The following UBN1 variants were observed in gnomAD, a reference collection of about 807,000 sequenced individuals.
The protein encoded by UBN1 is ubinuclein-1.
Under a neutral mutation model 108.5 loss-of-function variants are expected in UBN1, and 17 were observed. The observed-to-expected ratio is 0.16, with a 90% confidence interval of 0.11 to 0.24. The LOEUF is 0.24. Ranked by LOEUF, UBN1 falls within the 10% of genes least tolerant of loss-of-function variation. UBN1 has a pLI of 1.00. For missense variants in UBN1, 1,595 were observed against 1,394.4 expected (o/e 1.14, Z -2.29); for synonymous variants, 726 against 564.2 (o/e 1.29, Z -4.07).
chr16:4,871,748 G>A (rs928481236), intron 12 of UBN1, among the ~76,000 whole-genome samples: 9 of 151,764 alleles, frequency 5.9e-5, no homozygotes, highest in East Asian at 1.9e-4. Context: ...CACCATGCCC[G>A]GCTAATTTTT....
chr16:4,877,031 C>A lies in UBN1; in HGVS notation c.3185C>A (p.Ser1062Tyr), dbSNP rs542957531. Reference sequence around the variant, plus strand: ...CATGTGCTCTCCTTCAGCGCTGACTCCTCTGCCAAAGCAGGGGTCTCCAAG... The same window carrying A: ...CATGTGCTCTCCTTCAGCGCTGACTACTCTGCCAAAGCAGGGGTCTCCAAG... ...PVHVLSFSAD[S>Y]SAKAGVSKDA... Residue 1062 changes from serine (S) to tyrosine (Y), a missense_variant, in exon 16 of 18, where the codon TCC becomes TAC. By Grantham distance (144) the Ser-to-Tyr change is moderately radical. This residue lies in a region of UBN1 where 1,398 missense variants were observed against 1,194.7 expected (regional missense o/e 1.17). Coordinates refer to ENST00000262376, the MANE Select transcript of UBN1 (RefSeq NM_001079514.3). This position sits in a 1 kb window ranked among gnomAD's most constrained non-coding sequence, Gnocchi z 4.3. 6.2e-7 allele frequency: 1 copy of A among 1,614,210 alleles called. No homozygotes were observed. Among genetic ancestry groups the A allele is most frequent in the East Asian group, 2.2e-5 (1 of 44,886 alleles).
At position 4,875,421 on chromosome 16, in the gene UBN1, C is replaced by T; in HGVS notation, c.3011C>T (p.Ser1004Phe). 1 of 1,610,334 alleles carries T rather than the reference C, an allele frequency of 6.2e-7. No homozygotes were observed. Among genetic ancestry groups the T allele is most frequent in the Non-Finnish European group, 8.5e-7 (1 of 1,177,332 alleles). The stretch of plus-strand genomic sequence containing the variant: ...TCTGCAGTTAGTAGTGTGACATCGT[C>T]TACCTCCTTGTCAGTGAGTATCTGT... ...KPSAVSSVTS[S>F]TSLSKGASGT... Residue 1004 changes from serine (S) to phenylalanine (F), a missense_variant, in exon 15 of 18, where the codon TCT becomes TTT. Physicochemically the swap from Ser to Phe is radical, Grantham distance 155. Transcript: ENST00000262376.
intron 5 of UBN1, among the ~76,000 whole-genome samples, chr16:4,859,517 C>T (rs964302464): frequency 6.6e-6 from 1 of 152,218 alleles, no homozygotes; most frequent in African/African-American, 2.4e-5. Context: ...TTCAGGGCTG[C>T]CATCCCACTG....
Position 4,877,401 on chromosome 16 carries a change from G to C in UBN1, c.3282G>C (p.Leu1094Phe). 1 of 1,611,524 alleles carries C rather than the reference G, an allele frequency of 6.2e-7. No individual in the cohort carries two copies. The highest frequency in any genetic ancestry group is 8.5e-7 in the Non-Finnish European group (1 of 1,178,774). ...HGLGHSLLAG[L>F]HSSPPHAAPL... is the part of the protein sequence containing the mutation. ...TTCTCTCAGGTCTTCTGGCTGGCTTGCACTCCAGCCCGCCCCATGCAGCGC... is the reference window on the plus strand; with the variant it reads ...TTCTCTCAGGTCTTCTGGCTGGCTTCCACTCCAGCCCGCCCCATGCAGCGC... Residue 1094 changes from leucine to phenylalanine, a missense_variant, in exon 17 of 18, where the codon TTG (leucine) becomes TTC (phenylalanine). Physicochemically the swap from Leu to Phe is conservative, Grantham distance 22. Around this residue, in one of 3 missense-constraint regions of UBN1, gnomAD observed 1,398 missense variants for 1,194.7 expected, o/e 1.17. Transcript: ENST00000262376. This position sits in a 1 kb window ranked among gnomAD's most constrained non-coding sequence, Gnocchi z 4.3.
intron 15 of UBN1, 143 bp from the exon 16 acceptor site, chr16:4,876,728 G>A (rs2142289833): frequency 1.5e-6 from 2 of 1,291,850 alleles, no homozygotes; most frequent in Non-Finnish European, 2.1e-6. Context: ...AGGGTCGGAG[G>A]GTGCCTCCCA....
In UBN1 at chr16:4,874,678, G is replaced by A; in HGVS notation, c.2268G>A (p.Glu756=). Reference sequence around the variant, plus strand: ...AGTCCTCTCAGGAGAAAAAACCAGAGAGTTCTGGCTACAAAGAGCTGTCCT... The same window carrying A: ...AGTCCTCTCAGGAGAAAAAACCAGAAAGTTCTGGCTACAAAGAGCTGTCCT... ...LGQSSQEKKP[E]SSGYKELSCQ... The change falls in exon 15 of 18, where the codon GAG becomes GAA. Residue 756 remains glutamate (E), a synonymous_variant. Transcript: ENST00000262376. 1.2e-6 allele frequency: 2 copies of A among 1,614,178 alleles called. No homozygotes were observed. Among genetic ancestry groups the A allele is most frequent in the Non-Finnish European group, 1.7e-6 (2 of 1,180,038 alleles).
In UBN1 at chr16:4,876,962, G is replaced by C. The variant is rs753692479; in HGVS notation, c.3116G>C (p.Ser1039Thr). The change falls in exon 16 of 18, where the codon AGC (serine) becomes ACC (threonine). Residue 1039 changes from serine to threonine, a missense_variant. Physicochemically the swap from Ser to Thr is moderately conservative, Grantham distance 58. Around this residue, in one of 3 missense-constraint regions of UBN1, gnomAD observed 1,398 missense variants for 1,194.7 expected, o/e 1.17. Transcript: ENST00000262376. ...AGCCCAAAGCTGTCTGGGGCCATGA[G>C]CTCGAACTCCTTGGGAATTATAACC... ...SSSPKLSGAMSSNSLGIITPV... is the reference protein window; with the variant it reads ...SSSPKLSGAMTSNSLGIITPV... The C allele has an allele frequency of 1.8e-4, 298 of 1,614,102 alleles. No homozygotes were observed. The highest frequency in any genetic ancestry group is 2.3e-4 in the Non-Finnish European group (276 of 1,180,054).
intron 7 of UBN1, among the ~76,000 whole-genome samples, chr16:4,861,553 C>T (rs753872809): frequency 1.3e-5 from 2 of 152,218 alleles, no homozygotes; most frequent in African/African-American, 4.8e-5. Flanking sequence ...CGCTCCCTTG[C>T]GTTGTGTATC....
At chr16:4,867,703 C>T (rs781223766) in intron 7 of UBN1, among the ~76,000 whole-genome samples, 23 of 151,844 alleles carry the variant, frequency 1.5e-4, no homozygotes, top group Non-Finnish European at 3.2e-4. Flanking sequence ...GTGGAGGAGG[C>T]AGATGGAGCA....
At chr16:4,866,977 A>T (rs1007624923) in intron 7 of UBN1, among the ~76,000 whole-genome samples, 6 of 152,178 alleles carry the variant, frequency 3.9e-5, no homozygotes, top group Admixed American at 3.9e-4. Flanking sequence ...GGCATATAGG[A>T]AGCAGACTGG....
At chr16:4,876,788 G>C in intron 15 of UBN1, 83 bp from the exon 16 acceptor site, 1 of 1,517,254 alleles carries the variant, frequency 6.6e-7, no homozygotes, top group Non-Finnish European at 8.8e-7. Context: ...CACACAAGGA[G>C]GATCCTTTGT....
rs538183715 is a variant in UBN1, at chr16:4,858,438, GTGTA to G, written c.337-126_337-123del. 4.2e-5 allele frequency: 32 copies of G among 762,448 alleles called. No homozygotes were observed. In the African/African-American group the frequency reaches 4.7e-4, roughly 11 times the overall value. 47.2% of individuals were successfully genotyped at this position (762,448 alleles called of 1,614,324 possible). On this transcript the variant is annotated intron_variant, in intron 3 of 17. Coordinates refer to ENST00000262376, the MANE Select transcript of UBN1 (RefSeq NM_001079514.3). ...CAGGAAAGGAGGTTTTGGGGTTTGT[GTGTA>G]TGTGAGAGAGTGACTGTTTTAGTTA... is the stretch of plus-strand genomic sequence containing the variant.
chr16:4,849,967 C>CAAACAAA (rs1427006025), intron 1 of UBN1, among the ~76,000 whole-genome samples: 2 of 117,712 alleles, frequency 1.7e-5, no homozygotes, highest in East Asian at 2.3e-4. Flanking sequence ...AAAAAAAAAA[C>CAAACAAA]CACAAAAAAA....
At chr16:4,850,808 C>T (rs971328929) in intron 1 of UBN1, among the ~76,000 whole-genome samples, 5 of 152,110 alleles carry the variant, frequency 3.3e-5, no homozygotes, top group Admixed American at 1.3e-4. Flanking sequence ...GCTAATTTTC[C>T]TGAATTAACT....
intron 7 of UBN1, 62 bp downstream of exon 7, chr16:4,861,164 C>T: frequency 6.6e-7 from 1 of 1,517,652 alleles, no homozygotes; most frequent in Non-Finnish European, 8.8e-7. Flanking sequence ...GCTGTTGGTT[C>T]TGCACTGCGT....
chr16:4,870,991 T>C lies in UBN1; in HGVS notation c.1559+19T>C. 5.0e-6 allele frequency: 8 copies of C among 1,613,642 alleles called. No individual in the cohort carries two copies. The highest frequency in any genetic ancestry group is 6.8e-6 in the Non-Finnish European group (8 of 1,179,698). On this transcript the variant is annotated intron_variant, in intron 11 of 17. Transcript: ENST00000262376. ...AGATCAGGTGTGCCCACACTGGGAC[T>C]TGGCCTCTTTGGAGGGTTGGTGGGG...
Position 4,847,489 on chromosome 16 carries a change from C to G in UBN1, c.-761C>G, listed in dbSNP as rs972880486. ...GGAGCGCAGAGACTCCCGGCTCCTTCCCCCTCCCTTCGGCTCGTGACAACG... is the reference window on the plus strand; with the variant it reads ...GGAGCGCAGAGACTCCCGGCTCCTTGCCCCTCCCTTCGGCTCGTGACAACG... On this transcript the variant is annotated 5_prime_UTR_variant, in exon 1 of 18. Coordinates refer to ENST00000262376, the MANE Select transcript of UBN1 (RefSeq NM_001079514.3). 5.2e-6 allele frequency: 3 copies of G among 578,926 alleles called. No homozygotes were observed. The highest frequency in any genetic ancestry group is 3.5e-5 in the East Asian group (1 of 28,532). 35.9% of individuals were successfully genotyped at this position (578,926 alleles called of 1,614,324 possible). A position where few individuals can be genotyped will look rare whatever the true frequency, so the allele number is the denominator to read the frequency against.
At position 4,848,086 on chromosome 16, in the gene UBN1, CGG is replaced by C. The variant is rs2086290548; in HGVS notation, c.-162_-161del. On this transcript the variant is annotated 5_prime_UTR_variant, in exon 1 of 18. It removes the in-frame stop codon of an upstream open reading frame in the 5' UTR. Coordinates refer to ENST00000262376, the MANE Select transcript of UBN1 (RefSeq NM_001079514.3). The stretch of plus-strand genomic sequence containing the variant: ...GGGGACCCGGCCATGGGCCGAGGCG[CGG>C]GCCGCCCGCCCGCTGGGAGCCACGG... The C allele has an allele frequency of 6.6e-6, 1 of 152,016 alleles. No individual in the cohort carries two copies. Among genetic ancestry groups the C allele is most frequent in the Non-Finnish European group, 1.5e-5 (1 of 67,994 alleles). The allele number at this position is 152,016 out of a possible 1,614,324, so 9.4% of individuals were successfully genotyped here.
intron 17 of UBN1, among the ~76,000 whole-genome samples, chr16:4,879,261 C>T (rs1160716297): frequency 6.6e-6 from 1 of 152,076 alleles, no homozygotes; most frequent in African/African-American, 2.4e-5. Flanking sequence ...ACTATGTACC[C>T]CATAAAATAT....
Sources: allele counts gnomAD v4.1 joint callset (sites outside exome capture counted in the v4.1 genomes callset), GRCh38; gene constraint gnomAD v4.1.1; regional missense constraint gnomAD v4.1.1; non-coding constraint Gnocchi (gnomAD v3.1); transcripts MANE v1.5; gene names NCBI Gene and HGNC (gene_info 2026-07-23, HGNC 2026-07-21).